Variants in PHF21A observed in about 807,000 individuals in gnomAD.
PHF21A encodes PHD finger protein 21A, also known as BHC80a.
A neutral mutation model predicts 82.5 loss-of-function variants in PHF21A; 11 were observed. The observed-to-expected ratio is 0.13, with a 90% CI of 0.08 to 0.22. The LOEUF (loss-of-function observed/expected upper bound fraction) is 0.22. Ranked by LOEUF, PHF21A falls within the 10% of genes least tolerant of loss-of-function variation. The pLI is 1.00. For missense variants in PHF21A, 579 were observed against 837.8 expected, an observed-to-expected ratio of 0.69 and a Z score of 3.81; for synonymous variants, 297 against 302.8, an observed-to-expected ratio of 0.98 and a Z score of 0.20.
At chr11:46,094,664 C>A (rs376758846) in intron 1 of PHF21A, among the ~76,000 whole-genome samples, 1 of 152,026 alleles carries the variant, frequency 6.6e-6, no homozygotes, top group Non-Finnish European at 1.5e-5. Context: ...GGGTGGATCA[C>A]GAGATCAGGA....
chr11:45,982,110 C>T (rs2094322960), intron 6 of PHF21A, among the ~76,000 whole-genome samples: 1 of 151,842 alleles, frequency 6.6e-6, no homozygotes, highest in Non-Finnish European at 1.5e-5. Context: ...GAGCGTGCTA[C>T]CATGCCCAGC....
intron 6 of PHF21A, among the ~76,000 whole-genome samples, chr11:45,988,678 C>A (rs1470587118): frequency 6.6e-6 from 1 of 152,018 alleles, no homozygotes; most frequent in African/African-American, 2.4e-5. Context: ...CACTTGAGAC[C>A]AGGAGTTCGA....
chr11:45,999,107 G>A (rs529939440), intron 6 of PHF21A, among the ~76,000 whole-genome samples: 2 of 152,246 alleles, frequency 1.3e-5, no homozygotes, highest in Admixed American at 6.5e-5. Context: ...GATTACAGGC[G>A]TGAGCCACTG....
At chr11:46,093,301 T>C (rs1039660339) in intron 1 of PHF21A, among the ~76,000 whole-genome samples, 1 of 152,234 alleles carries the variant, frequency 6.6e-6, no homozygotes, top group African/African-American at 2.4e-5. Flanking sequence ...TTGACTGATA[T>C]TACTCCAATA....
In PHF21A at chr11:46,073,164, T is replaced by C. The variant is rs569421546; in HGVS notation, c.153+3590A>G. 9.2e-5 allele frequency among the ~76,000 whole-genome samples: 14 copies of C among 152,012 alleles called. No homozygotes were observed. The East Asian group carries it at 1.7e-3, about 19-fold the overall frequency. ...TAACATGATGAAACCCGGTCTCTACTAAAAATACAAAAAATTGGCCAGGCG... is the reference window on the plus strand; with the variant it reads ...TAACATGATGAAACCCGGTCTCTACCAAAAATACAAAAAATTGGCCAGGCG... On this transcript the variant is annotated intron_variant, in intron 6 of 18. Transcript: ENST00000676320.
chr11:46,013,295 C>T (rs971657457), intron 6 of PHF21A, among the ~76,000 whole-genome samples: 2 of 152,082 alleles, frequency 1.3e-5, no homozygotes, highest in African/African-American at 2.4e-5. Flanking sequence ...AGTAGCCTGA[C>T]GAAATCTCTC....
intron 6 of PHF21A, among the ~76,000 whole-genome samples, chr11:45,980,886 C>T (rs1449955977): frequency 2.6e-5 from 4 of 152,208 alleles, no homozygotes; most frequent in African/African-American, 9.6e-5. Context: ...GGTTCTGTGG[C>T]GGTACACACG....
intron 6 of PHF21A, among the ~76,000 whole-genome samples, chr11:46,022,499 T>C (rs889362491): frequency 6.6e-6 from 1 of 152,172 alleles, no homozygotes; most frequent in African/African-American, 2.4e-5. Flanking sequence ...TCTCCCTTTG[T>C]CACCTAGGCT....
Position 45,957,730 on chromosome 11 carries a change from GA to G in PHF21A, c.997-4106del, listed in dbSNP as rs572600724. ...ACCTAACTTTACACCTTAAGAAACA[GA>G]AAAAGAACTAAATTCAAAGCAAAAA... On this transcript the variant is annotated intron_variant, in intron 10 of 18. Transcript: ENST00000676320. Among the ~76,000 whole-genome samples the G allele has an allele frequency of 6.8e-4, 8 of 11,720 alleles. No homozygotes were observed. The South Asian group carries it at 0.014, about 21-fold the overall frequency. The allele number at this position is 11,720 out of a possible 152,430, so 7.7% of individuals were successfully genotyped here. A position where few individuals can be genotyped will look rare whatever the true frequency, so the allele number is the denominator to read the frequency against.
chr11:45,987,146 T>C (rs2094517556), intron 6 of PHF21A, among the ~76,000 whole-genome samples: 1 of 152,088 alleles, frequency 6.6e-6, no homozygotes, highest in African/African-American at 2.4e-5. Flanking sequence ...CTTGGGAGGC[T>C]GAGACAGGAA....
Position 46,089,406 on chromosome 11 carries a change from A to T in PHF21A, c.-84+1049T>A, listed in dbSNP as rs2096896534. 3.3e-5 allele frequency among the ~76,000 whole-genome samples: 5 copies of T among 152,202 alleles called. No homozygotes were observed. The South Asian group carries it at 1.0e-3, about 31-fold the overall frequency. On this transcript the variant is annotated intron_variant, in intron 3 of 18. Coordinates refer to ENST00000676320, the MANE Select transcript of PHF21A (RefSeq NM_001352027.3). ...TTATTAAAAACTTTAACATTTATTA[A>T]CATGAATCAATACAAATGACAACAT...
intron 1 of PHF21A, among the ~76,000 whole-genome samples, chr11:46,108,243 T>C (rs2097173319): frequency 6.6e-6 from 1 of 152,132 alleles, no homozygotes; most frequent in African/African-American, 2.4e-5. Context: ...TAGAATAAAC[T>C]AGAATCATTT....
intron 6 of PHF21A, among the ~76,000 whole-genome samples, chr11:45,984,438 G>A (rs1337893291): frequency 6.6e-6 from 1 of 152,168 alleles, no homozygotes; most frequent in Admixed American, 6.5e-5. Flanking sequence ...CAGAGCCTCT[G>A]ACACTTCAAG....
chr11:45,996,581 T>C (rs1393716441), intron 6 of PHF21A, among the ~76,000 whole-genome samples: 1 of 152,218 alleles, frequency 6.6e-6, no homozygotes, highest in African/African-American at 2.4e-5. Flanking sequence ...GTGCCAGGAA[T>C]GCTACTCTCC....
chr11:46,017,969 G>A (rs2095549997), intron 6 of PHF21A, among the ~76,000 whole-genome samples: 1 of 152,074 alleles, frequency 6.6e-6, no homozygotes, highest in Non-Finnish European at 1.5e-5. Context: ...ATGTGTCCTA[G>A]GCCGGGCGCG....
intron 6 of PHF21A, among the ~76,000 whole-genome samples, chr11:46,039,720 T>A (rs1411699413): frequency 6.6e-6 from 1 of 152,190 alleles, no homozygotes; most frequent in East Asian, 1.9e-4. Context: ...AAAAGGTCAA[T>A]ATTATAAAGA....
intron 6 of PHF21A, among the ~76,000 whole-genome samples, chr11:46,053,998 T>C (rs1466763847): frequency 6.6e-6 from 1 of 152,126 alleles, no homozygotes; most frequent in Non-Finnish European, 1.5e-5. Context: ...CTTTCTTCTT[T>C]TGCCCCCACT....
intron 1 of PHF21A, among the ~76,000 whole-genome samples, chr11:46,115,325 A>G (rs2097275331): frequency 6.6e-6 from 1 of 152,210 alleles, no homozygotes; most frequent in Non-Finnish European, 1.5e-5. Context: ...AAGTAATAGA[A>G]AAGTTATTCA....
At chr11:46,080,974 T>G (rs1274697963) in intron 4 of PHF21A, among the ~76,000 whole-genome samples, 2 of 152,176 alleles carry the variant, frequency 1.3e-5, no homozygotes, top group African/African-American at 4.8e-5. Flanking sequence ...CTTGCTACTA[T>G]TCTAACAACC....
Sources: allele counts gnomAD v4.1 joint callset (sites outside exome capture counted in the v4.1 genomes callset), GRCh38; gene constraint gnomAD v4.1.1; transcripts MANE v1.5; gene names NCBI Gene and HGNC (gene_info 2026-07-23, HGNC 2026-07-21).